NPL: variants seen among roughly 807,000 people sequenced by gnomAD.
NPL encodes N-acetylneuraminate lyase.
Under a neutral mutation model 41.1 loss-of-function variants are expected in NPL, and 32 were observed. That is an observed-to-expected ratio of 0.78 (90% CI 0.59 to 1.05). NPL has a LOEUF of 1.05. Among genes scored for constraint, NPL ranks in the 50% least tolerant of loss-of-function variants. The pLI is 0.00. For missense variants in NPL, 321 were observed against 378.4 expected (o/e 0.85, Z 1.26); for synonymous variants, 128 against 134.9 (o/e 0.95, Z 0.35).
At chr1:182,799,880 C>A (rs1000881048) in intron 3 of NPL, among the ~76,000 whole-genome samples, 56 of 152,166 alleles carry the variant, frequency 3.7e-4, no homozygotes, top group African/African-American at 1.3e-3. Context: ...CTGGGTCACT[C>A]TCCCCTGATG....
intron 11 of NPL, among the ~76,000 whole-genome samples, chr1:182,824,301 AAG>A (rs1667570163): frequency 6.6e-6 from 1 of 152,214 alleles, no homozygotes; most frequent in Non-Finnish European, 1.5e-5. Flanking sequence ...AAATGGAAAA[AAG>A]CAGCAAAATA....
intron 1 of NPL, among the ~76,000 whole-genome samples, chr1:182,790,101 G>A (rs1216117395): frequency 6.6e-6 from 1 of 152,220 alleles, no homozygotes; most frequent in Non-Finnish European, 1.5e-5. Flanking sequence ...CAATTGAGCA[G>A]AAGAGAGCTT....
In NPL at chr1:182,822,101, T is replaced by G. The variant is rs1277770948; in HGVS notation, c.654-14T>G. 6.4e-7 allele frequency: 1 copy of G among 1,571,212 alleles called. No individual in the cohort carries two copies. The highest frequency in any genetic ancestry group is 8.8e-7 in the Non-Finnish European group (1 of 1,141,154). ...GAGTTATTGAACCTGCAGTATTTGT[T>G]ATTGTCTTGCCAGTACCTATAACTA... On this transcript the variant is annotated splice_polypyrimidine_tract_variant and intron_variant, in intron 10 of 12. Transcript: ENST00000367553.
At chr1:182,804,657 A>G (rs984122019) in intron 4 of NPL, among the ~76,000 whole-genome samples, 5 of 152,100 alleles carry the variant, frequency 3.3e-5, no homozygotes, top group African/African-American at 4.8e-5. Flanking sequence ...GGGCTCTCGG[A>G]CCCTTGGATG....
At chr1:182,816,920 A>G in intron 8 of NPL, 114 bp downstream of exon 8, 1 of 771,178 alleles carries the variant, frequency 1.3e-6, no homozygotes. Context: ...GCACACCACC[A>G]CTGACTGGGC....
At chr1:182,823,736 C>T (rs766094835) in intron 11 of NPL, among the ~76,000 whole-genome samples, 1 of 152,188 alleles carries the variant, frequency 6.6e-6, no homozygotes, top group Non-Finnish European at 1.5e-5. Context: ...ATAATGCTGA[C>T]CCTTCCATTC....
intron 4 of NPL, among the ~76,000 whole-genome samples, chr1:182,804,287 C>G (rs1227024064): frequency 6.6e-6 from 1 of 152,176 alleles, no homozygotes; most frequent in Non-Finnish European, 1.5e-5. Context: ...ACCACCACAC[C>G]TGGCTAATTT....
intron 6 of NPL, among the ~76,000 whole-genome samples, chr1:182,813,615 A>G (rs2102553414): frequency 6.6e-6 from 1 of 152,374 alleles, no homozygotes; most frequent in Middle Eastern, 3.4e-3. Flanking sequence ...GAATGACAGT[A>G]TCATCCATTG....
At chr1:182,805,323 CAG>C (rs1421782591) in intron 4 of NPL, among the ~76,000 whole-genome samples, 8 of 152,236 alleles carry the variant, frequency 5.3e-5, no homozygotes, top group African/African-American at 1.7e-4. Context: ...CCCAGTTACT[CAG>C]GAGGCTGAGG....
rs1264024741 is a variant in NPL, at chr1:182,811,040, AT to A, written c.231-1108del. 2.6e-5 allele frequency among the ~76,000 whole-genome samples: 4 copies of A among 151,682 alleles called. No homozygotes were observed. In the South Asian group the frequency reaches 8.3e-4, roughly 32 times the overall value. ...TGCTTGATTCACCATTGGCATCTTG[AT>A]TTTTTTTAAATTTACATTTGATCTA... On this transcript the variant is annotated intron_variant, in intron 5 of 12. Transcript: ENST00000367553.
intron 5 of NPL, among the ~76,000 whole-genome samples, chr1:182,807,890 CAAAAAAAAA>C (rs61314915): frequency 5.3e-5 from 3 of 56,274 alleles, no homozygotes; most frequent in African/African-American, 1.9e-4. Context: ...GACTCCATCT[CAAAAAAAAA>C]AAAAAAAAAA....
intron 8 of NPL, among the ~76,000 whole-genome samples, chr1:182,817,803 G>A (rs1390515314): frequency 1.3e-5 from 2 of 152,196 alleles, no homozygotes; most frequent in East Asian, 3.8e-4. Flanking sequence ...ATGTGAGAAG[G>A]GGCATGGAGT....
intron 5 of NPL, among the ~76,000 whole-genome samples, chr1:182,809,519 G>A (rs140719361): frequency 0.022 from 3,261 of 149,328 alleles, 62 homozygotes; most frequent in Non-Finnish European, 0.032. Flanking sequence ...TAGCCTGGGC[G>A]ACAGAGTGAG....
chr1:182,822,255 G>T (rs750909851), intron 11 of NPL, 56 bp downstream of exon 11: 1 of 1,220,518 alleles, frequency 8.2e-7, no homozygotes, highest in Non-Finnish European at 1.2e-6. Flanking sequence ...CCCACTTGAG[G>T]ATTCTTTTTC....
At chr1:182,816,642 A>T in intron 7 of NPL, 72 bp from the exon 8 acceptor site, 1 of 1,055,042 alleles carries the variant, frequency 9.5e-7, no homozygotes, top group Non-Finnish European at 1.5e-6. Flanking sequence ...TCATCAGATG[A>T]TTCTCTTTTT....
intron 8 of NPL, among the ~76,000 whole-genome samples, chr1:182,817,847 C>G (rs1214185901): frequency 6.6e-6 from 1 of 152,232 alleles, no homozygotes. Flanking sequence ...ATCCTCCAGG[C>G]ACCTTCACGT....
Position 182,811,845 on chromosome 1 carries a change from C to T in NPL, c.231-311C>T, listed in dbSNP as rs559877776. 4.6e-5 allele frequency among the ~76,000 whole-genome samples: 7 copies of T among 152,214 alleles called. No individual in the cohort carries two copies. In the East Asian group the frequency reaches 1.4e-3, roughly 29 times the overall value. On this transcript the variant is annotated intron_variant, in intron 5 of 12. Coordinates refer to ENST00000367553, the MANE Select transcript of NPL (RefSeq NM_030769.3). ...TCCTACAGAAAGGAAGAAATGAATA[C>T]CATTTTAACCTTGCCTTTAAATACC...
intron 5 of NPL, among the ~76,000 whole-genome samples, chr1:182,809,540 A>G (rs1393954707): frequency 8.7e-6 from 1 of 115,360 alleles, no homozygotes; most frequent in Non-Finnish European, 1.6e-5. Flanking sequence ...ACTCCATCTT[A>G]AAAAAAAAAA....
At chr1:182,810,663 T>G (rs1373174931) in intron 5 of NPL, among the ~76,000 whole-genome samples, 1 of 152,148 alleles carries the variant, frequency 6.6e-6, no homozygotes, top group Non-Finnish European at 1.5e-5. Context: ...ATTAAAAGGC[T>G]CTATTCTTTT....
Sources: allele counts gnomAD v4.1 joint callset (sites outside exome capture counted in the v4.1 genomes callset), GRCh38; gene constraint gnomAD v4.1.1; transcripts MANE v1.5; gene names NCBI Gene and HGNC (gene_info 2026-07-23, HGNC 2026-07-21).